Variants in COL23A1 observed in about 807,000 individuals in gnomAD.
COL23A1 encodes collagen type XXIII alpha 1 chain.
Under a neutral mutation model 99.3 loss-of-function variants are expected in COL23A1, and 97 were observed. The ratio of observed to expected loss-of-function variants is 0.98; its 90% confidence interval spans 0.83 to 1.16. The LOEUF is 1.16. COL23A1 is among the 50% of genes most tolerant of loss of function. The pLI is 0.00. For missense variants in COL23A1, 762 were observed against 757.4 expected (o/e 1.01, Z -0.07); for synonymous variants, 320 against 308.2 (o/e 1.04, Z -0.40).
At chr5:178,356,185 G>C (rs190572826) in intron 2 of COL23A1, among the ~76,000 whole-genome samples, 1 of 152,180 alleles carries the variant, frequency 6.6e-6, no homozygotes, top group East Asian at 1.9e-4. Context: ...GGGAAGCAGA[G>C]GAGTGGCCGC....
At chr5:178,442,769 C>G (rs113868204) in intron 2 of COL23A1, among the ~76,000 whole-genome samples, 59 of 152,310 alleles carry the variant, frequency 3.9e-4, no homozygotes, top group African/African-American at 1.4e-3. Flanking sequence ...CTGCTGTACT[C>G]CCCCTCGCCA....
chr5:178,298,029 G>A (rs956103197), intron 3 of COL23A1, among the ~76,000 whole-genome samples: 4 of 152,202 alleles, frequency 2.6e-5, no homozygotes, highest in African/African-American at 9.7e-5. Flanking sequence ...GCTTCCAGGT[G>A]ACCATATGGT....
intron 2 of COL23A1, among the ~76,000 whole-genome samples, chr5:178,388,025 G>T (rs1179004478): frequency 2.0e-5 from 3 of 152,096 alleles, no homozygotes; most frequent in African/African-American, 7.2e-5. Context: ...TGCTCCTCAG[G>T]GCATGTCCAC....
At chr5:178,444,358 T>C (rs1014944676) in intron 2 of COL23A1, among the ~76,000 whole-genome samples, 1 of 152,252 alleles carries the variant, frequency 6.6e-6, no homozygotes, top group African/African-American at 2.4e-5. Context: ...ATTTCTTTCA[T>C]ATTTGTTTTT....
chr5:178,362,803 G>A (rs530623237), intron 2 of COL23A1, among the ~76,000 whole-genome samples: 1 of 152,298 alleles, frequency 6.6e-6, no homozygotes, highest in South Asian at 2.1e-4. Flanking sequence ...AGCACTGGGA[G>A]AGGCTGCCCG....
intron 2 of COL23A1, among the ~76,000 whole-genome samples, chr5:178,320,396 AGT>A (rs753080248): frequency 3.3e-5 from 5 of 152,192 alleles, no homozygotes; most frequent in Non-Finnish European, 7.4e-5. Context: ...GACCCCAGGC[AGT>A]GTGTAGCCAG....
chr5:178,352,143 C>A (rs570655799), intron 2 of COL23A1: 1 of 152,220 alleles, frequency 6.6e-6, no homozygotes, highest in Non-Finnish European at 1.5e-5. Context: ...AGCTCTCGGG[C>A]GGCCCTGTGA....
chr5:178,469,488 C>T (rs1756622178), intron 2 of COL23A1, among the ~76,000 whole-genome samples: 2 of 152,156 alleles, frequency 1.3e-5, no homozygotes, highest in Non-Finnish European at 2.9e-5. Context: ...AACTCCAATT[C>T]TGCAGGTGCA....
intron 2 of COL23A1, among the ~76,000 whole-genome samples, chr5:178,494,357 G>A (rs1375925414): frequency 6.6e-6 from 1 of 152,204 alleles, no homozygotes; most frequent in Admixed American, 6.5e-5. Flanking sequence ...CAGGTCACAT[G>A]CCATGAACGT....
intron 2 of COL23A1, among the ~76,000 whole-genome samples, chr5:178,332,601 G>C (rs1760092468): frequency 6.6e-6 from 1 of 152,140 alleles, no homozygotes; most frequent in Admixed American, 6.5e-5. Context: ...GCTGCCTACA[G>C]GGATACACAG....
intron 2 of COL23A1, among the ~76,000 whole-genome samples, chr5:178,491,139 GAGAT>G (rs1031438162): frequency 2.6e-5 from 4 of 151,756 alleles, no homozygotes; most frequent in African/African-American, 4.8e-5. Flanking sequence ...AGGAGACAAA[GAGAT>G]AGGAGGAGAA....
chr5:178,371,279 G>A (rs929700108), intron 2 of COL23A1, among the ~76,000 whole-genome samples: 3 of 152,154 alleles, frequency 2.0e-5, no homozygotes, highest in Non-Finnish European at 4.4e-5. Context: ...ATCCTACATG[G>A]GTTCGACCAG....
chr5:178,265,614 C>T (rs978308584), intron 8 of COL23A1: 14 of 945,714 alleles, frequency 1.5e-5, no homozygotes, highest in Non-Finnish European at 1.4e-5. Flanking sequence ...GGGGGTAACA[C>T]AGCAAGCCAT....
chr5:178,456,622 C>T (rs1395967748), intron 2 of COL23A1, among the ~76,000 whole-genome samples: 2 of 152,114 alleles, frequency 1.3e-5, no homozygotes, highest in African/African-American at 2.4e-5. Context: ...TGCTTGAACC[C>T]GGGAGGTGGA....
At chr5:178,433,747 T>TTA (rs1172602597) in intron 2 of COL23A1, among the ~76,000 whole-genome samples, 4 of 152,230 alleles carry the variant, frequency 2.6e-5, no homozygotes, top group Non-Finnish European at 4.4e-5. Flanking sequence ...TCTCATTCAT[T>TTA]TAACCCTCTG....
rs193081999 is a variant in COL23A1 at position 178,429,476 on chromosome 5, C to T, written c.362-122557G>A. Among the ~76,000 whole-genome samples, 476 of 152,344 alleles carry T rather than the reference C, an allele frequency of 3.1e-3. 1 individual carries two copies. The highest frequency in any genetic ancestry group is 3.5e-3 in the Non-Finnish European group (238 of 68,032). On this transcript the variant is annotated intron_variant, in intron 2 of 28. Transcript: ENST00000390654. ...ACTGAGTCAGGCAAAAACTGCCTTC[C>T]TTTTCTTCCCAAACAGATAGCTGCA...
chr5:178,437,808 A>G (rs1212359134), intron 2 of COL23A1, among the ~76,000 whole-genome samples: 1 of 152,172 alleles, frequency 6.6e-6, no homozygotes, highest in Non-Finnish European at 1.5e-5. Flanking sequence ...GGAGTCAAGA[A>G]GCAAACCCAG....
chr5:178,332,987 T>TCA (rs1760115863), intron 2 of COL23A1, among the ~76,000 whole-genome samples: 1 of 152,202 alleles, frequency 6.6e-6, no homozygotes, highest in South Asian at 2.1e-4. Context: ...AGACGGAGTC[T>TCA]CACTCTGTTG....
At chr5:178,417,221 C>G (rs1357303451) in intron 2 of COL23A1, among the ~76,000 whole-genome samples, 2 of 152,174 alleles carry the variant, frequency 1.3e-5, no homozygotes, top group South Asian at 4.1e-4. Context: ...ACAACACATA[C>G]AACACACATG....
Sources: gnomAD v4.1 joint callset for allele counts (sites outside exome capture counted in the v4.1 genomes callset) on GRCh38, gnomAD v4.1.1 for gene constraint, MANE v1.5 for transcripts, NCBI Gene and HGNC (gene_info 2026-07-23, HGNC 2026-07-21) for gene names.